The following PDE3B variants were observed in gnomAD, a reference collection of about 807,000 sequenced individuals.
The protein encoded by PDE3B is phosphodiesterase 3B.
PDE3B carries 66 observed loss-of-function variants against 116.8 expected under a neutral mutation model. The observed-to-expected ratio is 0.56, with a 90% confidence interval of 0.46 to 0.69. PDE3B has a LOEUF of 0.69. PDE3B is among the 30% of genes least tolerant of loss of function. PDE3B has a pLI of 0.00. For synonymous variants in PDE3B, 595 were observed against 533.6 expected (o/e 1.12, Z -1.59); for missense variants, 1,384 against 1,368.1 (o/e 1.01, Z -0.18).
chr11:14,724,261 CCTAT>C (rs1321209104), intron 1 of PDE3B, among the ~76,000 whole-genome samples: 1 of 152,068 alleles, frequency 6.6e-6, no homozygotes, highest in Non-Finnish European at 1.5e-5. Context: ...TTCCTACTTG[CCTAT>C]CTGTGTGTAT....
chr11:14,804,239 A>G (rs919066903), intron 5 of PDE3B, among the ~76,000 whole-genome samples, 189 bp downstream of exon 5: 3 of 152,218 alleles, frequency 2.0e-5, no homozygotes, highest in Non-Finnish European at 2.9e-5. Context: ...ACAGTTTTAG[A>G]ACATCTACTC....
At chr11:14,860,906 C>CATAT (rs3834440) in intron 13 of PDE3B, among the ~76,000 whole-genome samples, 23 of 146,576 alleles carry the variant, frequency 1.6e-4, no homozygotes, top group African/African-American at 5.8e-4. Flanking sequence ...TTAATAAATA[C>CATAT]ATATATATAT....
intron 1 of PDE3B, among the ~76,000 whole-genome samples, chr11:14,678,630 A>G (rs903803023): frequency 6.6e-6 from 1 of 152,154 alleles, no homozygotes; most frequent in African/African-American, 2.4e-5. Context: ...TTTACATTAT[A>G]TATCATCTTT....
intron 1 of PDE3B, among the ~76,000 whole-genome samples, chr11:14,711,201 C>T (rs1300179929): frequency 6.6e-6 from 1 of 152,114 alleles, no homozygotes; most frequent in Non-Finnish European, 1.5e-5. Context: ...CATTTAGAAG[C>T]TCTGATTAAA....
At chr11:14,787,264 T>G (rs997301073) in intron 3 of PDE3B, among the ~76,000 whole-genome samples, 2 of 152,000 alleles carry the variant, frequency 1.3e-5, no homozygotes, top group Non-Finnish European at 2.9e-5. Flanking sequence ...TAAATACTGT[T>G]CTAAATGGGT....
chr11:14,803,468 C>G (rs777051791), intron 4 of PDE3B, among the ~76,000 whole-genome samples: 2 of 152,158 alleles, frequency 1.3e-5, no homozygotes, highest in African/African-American at 4.8e-5. Flanking sequence ...CATATAAGAA[C>G]TTGTTAGAAG....
rs185929593 is a variant in PDE3B at position 14,802,331 on chromosome 11, G to T, written c.1416-1613G>T. ...CTGTGGATTGCGAAGACTGGGAAAAGCGTAGTATCTGGGCTGGAATGCACT... is the reference window on the plus strand; with the variant it reads ...CTGTGGATTGCGAAGACTGGGAAAATCGTAGTATCTGGGCTGGAATGCACT... On this transcript the variant is annotated intron_variant, in intron 4 of 15. Transcript: ENST00000282096. Among the ~76,000 whole-genome samples, 231 of 152,312 alleles carry T rather than the reference G, an allele frequency of 1.5e-3. 1 individual carries two copies. The highest frequency in any genetic ancestry group is 2.9e-3 in the South Asian group (14 of 4,824).
chr11:14,868,091 A>C (rs1015151510), intron 15 of PDE3B, among the ~76,000 whole-genome samples: 1 of 152,210 alleles, frequency 6.6e-6, no homozygotes, highest in African/African-American at 2.4e-5. Flanking sequence ...AGTAACCACT[A>C]TCTAAATGTT....
intron 1 of PDE3B, among the ~76,000 whole-genome samples, chr11:14,763,802 G>C (rs1857422781): frequency 6.6e-6 from 1 of 152,170 alleles, no homozygotes; most frequent in East Asian, 1.9e-4. Flanking sequence ...TGAAAGAAAT[G>C]TGTTATAAAA....
Position 14,685,700 on chromosome 11 carries a change from C to T in PDE3B, c.978+40647C>T, listed in dbSNP as rs933561199. 8.5e-5 allele frequency among the ~76,000 whole-genome samples: 13 copies of T among 152,190 alleles called. No individual in the cohort carries two copies. The East Asian group carries it at 1.4e-3, about 16-fold the overall frequency. On this transcript the variant is annotated intron_variant, in intron 1 of 15. Transcript: ENST00000282096. ...TGAACTCCTGACCTCAGGTGATCCA[C>T]GCGCCTTGACCTCCCAAAGTGCTAG...
At chr11:14,879,154 T>C in the PDE3B span, 1 of 1,613,204 alleles carries the variant, frequency 6.2e-7, no homozygotes, top group East Asian at 2.2e-5. Flanking sequence ...TGGCAAAATA[T>C]CCACTGCTGT....
At chr11:14,790,924 T>C (rs1378900628) in intron 4 of PDE3B, among the ~76,000 whole-genome samples, 1 of 151,934 alleles carries the variant, frequency 6.6e-6, no homozygotes, top group African/African-American at 2.4e-5. Flanking sequence ...CAGTGCTGTC[T>C]AATAGAAATT....
At chr11:14,693,719 GCT>G (rs1337351505) in intron 1 of PDE3B, among the ~76,000 whole-genome samples, 1 of 152,164 alleles carries the variant, frequency 6.6e-6, no homozygotes, top group Non-Finnish European at 1.5e-5. Flanking sequence ...TCGTCCAAGA[GCT>G]CTGATGGAGA....
At chr11:14,798,594 C>T (rs1246614673) in intron 4 of PDE3B, among the ~76,000 whole-genome samples, 3 of 152,120 alleles carry the variant, frequency 2.0e-5, no homozygotes, top group Non-Finnish European at 1.5e-5. Flanking sequence ...CTATTAATTA[C>T]TGCCTCCATT....
chr11:14,685,855 C>T (rs1211337483), intron 1 of PDE3B, among the ~76,000 whole-genome samples: 1 of 152,108 alleles, frequency 6.6e-6, no homozygotes, highest in Non-Finnish European at 1.5e-5. Flanking sequence ...GGTTATCATT[C>T]CAAACGACTT....
intron 1 of PDE3B, among the ~76,000 whole-genome samples, chr11:14,695,026 G>C (rs1277529916): frequency 1.3e-5 from 2 of 152,050 alleles, no homozygotes; most frequent in African/African-American, 4.8e-5. Flanking sequence ...CAGCACACCA[G>C]AAGAAATCTT....
chr11:14,674,029 G>A, intron 1 of PDE3B: 13 of 1,473,374 alleles, frequency 8.8e-6, no homozygotes, highest in African/African-American at 1.4e-5. Context: ...TTTTCGTCTG[G>A]TAATTAAGTC....
chr11:14,842,604 T>C (rs969212985), intron 11 of PDE3B, among the ~76,000 whole-genome samples: 3 of 152,132 alleles, frequency 2.0e-5, no homozygotes, highest in Admixed American at 2.0e-4. Context: ...GCCGGTGTAG[T>C]GGTACATAAC....
Position 14,869,633 on chromosome 11 carries a change from A to G in PDE3B, c.3312A>G (p.Val1104=). 6.2e-7 allele frequency: 1 copy of G among 1,613,856 alleles called. No homozygotes were observed. The highest frequency in any genetic ancestry group is 8.5e-7 in the Non-Finnish European group (1 of 1,179,900). Residue 1104 remains valine, a synonymous_variant, in exon 16 of 16, where the codon GTA becomes GTG. Transcript: ENST00000282096. ...SSLPQADEIQ[V]IEEADEEE ...TACCTCAAGCAGATGAGATTCAGGT[A>G]ATTGAAGAGGCAGATGAAGAGGAAT...
Sources: gnomAD v4.1 joint callset for allele counts (sites outside exome capture counted in the v4.1 genomes callset) on GRCh38, gnomAD v4.1.1 for gene constraint, MANE v1.5 for transcripts, NCBI Gene and HGNC (gene_info 2026-07-23, HGNC 2026-07-21) for gene names.